Variants in TRIM24 observed in about 807,000 individuals in gnomAD.
TRIM24 encodes the protein transcription intermediary factor 1-alpha.
Under a neutral mutation model 123.9 loss-of-function variants are expected in TRIM24, and 29 were observed. The observed-to-expected ratio is 0.23, with a 90% CI of 0.17 to 0.32. The LOEUF (loss-of-function observed/expected upper bound fraction) is 0.32, where lower values mean the gene tolerates loss of function less well. Among genes scored for constraint, TRIM24 ranks in the 10% least tolerant of loss-of-function variants. The probability of loss-of-function intolerance (pLI) is 1.00; values close to 1 mark genes in which losing one functional copy is unlikely to be tolerated. For missense variants in TRIM24, 932 were observed against 1,295.3 expected, an observed-to-expected ratio of 0.72 and a Z score of 4.31; for synonymous variants, 456 against 461.1, an observed-to-expected ratio of 0.99 and a Z score of 0.14.
At chr7:138,485,952 ACC>A (rs1448013169) in intron 1 of TRIM24, among the ~76,000 whole-genome samples, 5 of 152,194 alleles carry the variant, frequency 3.3e-5, no homozygotes, top group Non-Finnish European at 4.4e-5. Context: ...TTACACTCCC[ACC>A]AACAGTGTAA....
intron 4 of TRIM24, among the ~76,000 whole-genome samples, chr7:138,523,763 A>AAG (rs1308796582): frequency 6.6e-6 from 1 of 151,794 alleles, no homozygotes; most frequent in East Asian, 1.9e-4. Context: ...AAAAAAAAAA[A>AAG]AAAAAAAAGC....
intron 1 of TRIM24, among the ~76,000 whole-genome samples, chr7:138,497,326 C>T (rs62487619): frequency 0.27 from 41,171 of 151,042 alleles, 6,233 homozygotes; most frequent in East Asian, 0.5. Context: ...TCTTGGCCTT[C>T]CAAAGTGCCA....
intron 3 of TRIM24, among the ~76,000 whole-genome samples, chr7:138,516,025 C>T (rs180822010): frequency 4.5e-4 from 68 of 152,284 alleles, no homozygotes; most frequent in African/African-American, 1.3e-3. Context: ...TCTGGCCGGG[C>T]GCGGTGGCTC....
intron 2 of TRIM24, among the ~76,000 whole-genome samples, chr7:138,508,694 CGCGCGCGTGTGTGCGTGTGTGTGTGCGT>C (rs1796209366): frequency 3.3e-5 from 1 of 30,630 alleles, no homozygotes; most frequent in Non-Finnish European, 8.4e-5. Context: ...TGTGTGTGTG[CGCGCGCGTGTGTGCGTGTGTGTGTGCGT>C]GTGTGTGTGT....
chr7:138,577,781 C>G (rs1385207811), intron 14 of TRIM24, among the ~76,000 whole-genome samples, 193 bp downstream of exon 14: 2 of 151,934 alleles, frequency 1.3e-5, no homozygotes, highest in African/African-American at 4.8e-5. Context: ...ATCAGAGGCT[C>G]AGATATGGAG....
intron 1 of TRIM24, among the ~76,000 whole-genome samples, chr7:138,502,132 T>A (rs1455984464): frequency 1.3e-5 from 2 of 152,168 alleles, no homozygotes; most frequent in Non-Finnish European, 2.9e-5. Flanking sequence ...AGGTCATACT[T>A]TGAGGGAGTC....
intron 6 of TRIM24, among the ~76,000 whole-genome samples, chr7:138,537,707 G>A (rs554321197): frequency 3.6e-4 from 55 of 152,252 alleles, no homozygotes; most frequent in Middle Eastern, 3.4e-3. Context: ...TGGCAGAGCC[G>A]TTGGATGTTG....
chr7:138,550,098 C>T (rs1397182194), intron 7 of TRIM24, among the ~76,000 whole-genome samples: 1 of 152,124 alleles, frequency 6.6e-6, no homozygotes, highest in Non-Finnish European at 1.5e-5. Context: ...AGTGAATGGA[C>T]TAGAGAAATG....
Position 138,570,847 on chromosome 7 carries a change from A to T in TRIM24, c.1722A>T (p.Gly574=). 1 of 1,614,014 alleles carries T rather than the reference A, an allele frequency of 6.2e-7. No homozygotes were observed. The highest frequency in any genetic ancestry group is 8.5e-7 in the Non-Finnish European group (1 of 1,179,960). Residue 574 remains glycine, a synonymous_variant, in exon 11 of 19, where the codon GGA becomes GGT. Coordinates refer to ENST00000343526, the MANE Select transcript of TRIM24 (RefSeq NM_015905.3). ...TACTGTAGTGGCAGATCAGCAGTGG[A>T]CAGGGAACCCCATCAACTACCAACA... ...QAIKQWQISS[G]QGTPSTTNST...
At chr7:138,495,007 CA>C (rs1201111672) in intron 1 of TRIM24, among the ~76,000 whole-genome samples, 8 of 152,086 alleles carry the variant, frequency 5.3e-5, no homozygotes, top group Non-Finnish European at 1.2e-4. Context: ...ATGGAGTGAT[CA>C]CCAGGATGTA....
chr7:138,482,072 T>G (rs1332378556), intron 1 of TRIM24, among the ~76,000 whole-genome samples: 1 of 152,184 alleles, frequency 6.6e-6, no homozygotes, highest in Non-Finnish European at 1.5e-5. Flanking sequence ...TCAGGCAGTT[T>G]TAATCTGTTG....
At chr7:138,504,444 GCTCTTTTTTT>G (rs757578684) in intron 2 of TRIM24, 36 bp downstream of exon 2, 105 of 623,778 alleles carry the variant, frequency 1.7e-4, no homozygotes, top group East Asian at 5.7e-4. Context: ...TTGCCTGCCA[GCTCTTTTTTT>G]TTTTTTTTTT....
At chr7:138,462,498 G>A (rs554417278) in intron 1 of TRIM24, among the ~76,000 whole-genome samples, 22 of 151,420 alleles carry the variant, frequency 1.5e-4, no homozygotes, top group African/African-American at 4.4e-4. Flanking sequence ...CCGCTACCAC[G>A]CCCGGCTAAT....
chr7:138,579,461 C>T lies in TRIM24; in HGVS notation c.2514C>T (p.Leu838=), dbSNP rs937505094. Residue 838 remains leucine (L), a synonymous_variant, in exon 15 of 19, where the codon CTC becomes CTT. Coordinates refer to ENST00000343526, the MANE Select transcript of TRIM24 (RefSeq NM_015905.3). ...WCAVCQNGGE[L]LCCEKCPKVF... ...CAGTTTGTCAAAACGGAGGGGAACT[C>T]CTCTGCTGTGAAAAGTGCCCCAAAG... The T allele has an allele frequency of 1.2e-6, 2 of 1,614,146 alleles. No individual in the cohort carries two copies. Among genetic ancestry groups the T allele is most frequent in the Non-Finnish European group, 8.5e-7 (1 of 1,180,002 alleles).
At chr7:138,523,062 C>A (rs1796536299) in intron 4 of TRIM24, among the ~76,000 whole-genome samples, 1 of 151,868 alleles carries the variant, frequency 6.6e-6, no homozygotes, top group Non-Finnish European at 1.5e-5. Flanking sequence ...GTAATTAAAC[C>A]CAAAGTAAGT....
intron 1 of TRIM24, among the ~76,000 whole-genome samples, chr7:138,488,424 C>T (rs886445033): frequency 7.9e-5 from 12 of 152,020 alleles, no homozygotes; most frequent in African/African-American, 2.4e-4. Context: ...TCTCTAGTTC[C>T]TTTAATTGTA....
chr7:138,551,019 A>G (rs774850838), intron 7 of TRIM24, 44 bp from the exon 8 acceptor site: 1 of 1,522,126 alleles, frequency 6.6e-7, no homozygotes, highest in Non-Finnish European at 9.1e-7. Flanking sequence ...GGCGCTTAAT[A>G]AATTATTTGC....
chr7:138,470,814 C>T (rs1795257509), intron 1 of TRIM24, among the ~76,000 whole-genome samples: 1 of 152,206 alleles, frequency 6.6e-6, no homozygotes, highest in Admixed American at 6.5e-5. Context: ...AAGGAGATCC[C>T]TGTCCTATAG....
At position 138,487,153 on chromosome 7, in the gene TRIM24, G is replaced by A. The variant is rs374374007; in HGVS notation, c.365-17137G>A. Among the ~76,000 whole-genome samples, 47 of 152,228 alleles carry A rather than the reference G, an allele frequency of 3.1e-4. No individual in the cohort carries two copies. The South Asian group carries it at 8.5e-3, about 28-fold the overall frequency. On this transcript the variant is annotated intron_variant, in intron 1 of 18. Coordinates refer to ENST00000343526, the MANE Select transcript of TRIM24 (RefSeq NM_015905.3). ...GGCTCTCTGTTTGTCTGTTATTGGC[G>A]TATAAGAATGCTTGTGATTTTTGCA...
Sources: allele counts gnomAD v4.1 joint callset (sites outside exome capture counted in the v4.1 genomes callset), GRCh38; gene constraint gnomAD v4.1.1; transcripts MANE v1.5; gene names NCBI Gene and HGNC (gene_info 2026-07-23, HGNC 2026-07-21).